SMYD3: variants seen among roughly 807,000 people sequenced by gnomAD.
SMYD3 encodes the protein histone-lysine N-methyltransferase SMYD3.
Under a neutral mutation model 57.7 loss-of-function variants are expected in SMYD3, and 36 were observed. The ratio of observed to expected loss-of-function variants is 0.62; its 90% CI spans 0.48 to 0.82. The LOEUF (loss-of-function observed/expected upper bound fraction) is 0.82. Among genes scored for constraint, SMYD3 ranks in the 40% least tolerant of loss-of-function variants. The pLI, the probability that SMYD3 is intolerant of heterozygous loss-of-function variation, is 0.00. For synonymous variants in SMYD3, 211 were observed against 195.0 expected, an observed-to-expected ratio of 1.08 and a Z score of -0.68; for missense variants, 515 against 538.8, an observed-to-expected ratio of 0.96 and a Z score of 0.44.
intron 1 of SMYD3, 51 bp downstream of exon 1, chr1:246,507,001 CCA>C: frequency 1.2e-4 from 139 of 1,158,978 alleles, no homozygotes; most frequent in Non-Finnish European, 1.4e-4. Context: ...CCCCCCCTCC[CCA>C]GCACCCCACA....
intron 5 of SMYD3, among the ~76,000 whole-genome samples, chr1:245,957,140 A>G (rs1270264663): frequency 1.3e-5 from 2 of 152,244 alleles, no homozygotes. Context: ...AATGATGAAA[A>G]GGAATTAAAT....
chr1:245,837,611 GCC>G (rs2050170017), intron 10 of SMYD3, among the ~76,000 whole-genome samples: 3 of 152,244 alleles, frequency 2.0e-5, no homozygotes, highest in African/African-American at 7.2e-5. Context: ...GGAGACTTTA[GCC>G]TTCCCAAATC....
At chr1:246,274,676 C>T (rs1389771218) in intron 5 of SMYD3, among the ~76,000 whole-genome samples, 1 of 152,074 alleles carries the variant, frequency 6.6e-6, no homozygotes, top group African/African-American at 2.4e-5. Flanking sequence ...ATAGAAATGC[C>T]TCCTAACAGA....
chr1:245,890,649 T>C lies in SMYD3; in HGVS notation c.813+24881A>G, dbSNP rs192636419. 1.3e-3 allele frequency among the ~76,000 whole-genome samples: 192 copies of C among 152,310 alleles called. 1 individual carries two copies. The highest frequency in any genetic ancestry group is 4.2e-3 in the African/African-American group (174 of 41,580). On this transcript the variant is annotated intron_variant, in intron 8 of 11. Transcript: ENST00000490107. ...GGAATGTAAATTAGTACATCTACTA[T>C]GGAAAACTGTATGAAGGGTCCTCGA...
At chr1:245,860,198 C>T (rs12036477) in intron 9 of SMYD3, among the ~76,000 whole-genome samples, 84,377 of 151,818 alleles carry the variant, frequency 0.56, 26,633 homozygotes, top group Non-Finnish European at 0.73. Context: ...TGACCTGGTC[C>T]CTTTACAATC....
At chr1:246,048,069 C>T (rs1248540889) in intron 5 of SMYD3, among the ~76,000 whole-genome samples, 3 of 151,790 alleles carry the variant, frequency 2.0e-5, no homozygotes, top group East Asian at 1.9e-4. Flanking sequence ...ACCTATAAAT[C>T]GATAAGGAAA....
At chr1:246,502,563 C>T (rs1184241458) in intron 1 of SMYD3, among the ~76,000 whole-genome samples, 1 of 152,150 alleles carries the variant, frequency 6.6e-6, no homozygotes, top group Non-Finnish European at 1.5e-5. Flanking sequence ...CAAACAATAT[C>T]TCAATCTCTT....
At chr1:245,959,756 T>C (rs1486672157) in intron 5 of SMYD3, among the ~76,000 whole-genome samples, 1 of 152,182 alleles carries the variant, frequency 6.6e-6, no homozygotes, top group Non-Finnish European at 1.5e-5. Flanking sequence ...TCTCTGTTTT[T>C]TTAGTTCACT....
chr1:246,418,755 G>C (rs1048152051), intron 1 of SMYD3, among the ~76,000 whole-genome samples: 1 of 152,108 alleles, frequency 6.6e-6, no homozygotes, highest in African/African-American at 2.4e-5. Context: ...ACTCCACGTC[G>C]TTCTGCTGGC....
At chr1:246,331,526 T>C (rs1347889349) in intron 3 of SMYD3, among the ~76,000 whole-genome samples, 1 of 152,208 alleles carries the variant, frequency 6.6e-6, no homozygotes, top group Non-Finnish European at 1.5e-5. Flanking sequence ...AAAGAGAGAC[T>C]GTGTATTTCT....
intron 1 of SMYD3, among the ~76,000 whole-genome samples, chr1:246,395,039 T>C (rs1174151793): frequency 6.6e-6 from 1 of 152,140 alleles, no homozygotes; most frequent in Non-Finnish European, 1.5e-5. Flanking sequence ...GCTCCTGAAC[T>C]CAGCTACACT....
intron 5 of SMYD3, among the ~76,000 whole-genome samples, chr1:246,277,004 G>C (rs1199308901): frequency 6.6e-6 from 1 of 152,212 alleles, no homozygotes; most frequent in African/African-American, 2.4e-5. Flanking sequence ...TGCAAAATGG[G>C]GGTAATGAAA....
intron 10 of SMYD3, among the ~76,000 whole-genome samples, chr1:245,823,722 C>G (rs539487476): frequency 2.0e-5 from 3 of 152,332 alleles, no homozygotes; most frequent in Admixed American, 6.5e-5. Flanking sequence ...GATTTCTGCT[C>G]TCTCATTGGG....
chr1:245,944,329 C>T (rs79520896), intron 5 of SMYD3, among the ~76,000 whole-genome samples: 1 of 152,018 alleles, frequency 6.6e-6, no homozygotes, highest in African/African-American at 2.4e-5. Context: ...GCAAAAATCA[C>T]AAGCATTCCT....
intron 5 of SMYD3, among the ~76,000 whole-genome samples, chr1:246,265,547 C>T (rs1002489487): frequency 3.3e-5 from 5 of 152,212 alleles, no homozygotes; most frequent in African/African-American, 1.2e-4. Flanking sequence ...AGAAAAACTG[C>T]AGTCTTCATT....
chr1:246,099,338 G>T (rs2060971098), intron 5 of SMYD3, among the ~76,000 whole-genome samples: 1 of 152,094 alleles, frequency 6.6e-6, no homozygotes, highest in Non-Finnish European at 1.5e-5. Flanking sequence ...ATTTCCATGG[G>T]ACGCTTGAAT....
chr1:245,879,575 T>C (rs1358108844), intron 8 of SMYD3, among the ~76,000 whole-genome samples: 1 of 152,232 alleles, frequency 6.6e-6, no homozygotes, highest in Non-Finnish European at 1.5e-5. Flanking sequence ...TACTCAATTC[T>C]TAGGGTTTTT....
At chr1:246,441,812 A>G (rs1338997326) in intron 1 of SMYD3, among the ~76,000 whole-genome samples, 4 of 152,200 alleles carry the variant, frequency 2.6e-5, no homozygotes, top group African/African-American at 9.6e-5. Flanking sequence ...AGGTTTCACC[A>G]TGCTGGCCAG....
chr1:246,311,689 G>C (rs932984657), intron 5 of SMYD3, among the ~76,000 whole-genome samples: 1 of 152,102 alleles, frequency 6.6e-6, no homozygotes, highest in African/African-American at 2.4e-5. Flanking sequence ...ACACACCCCA[G>C]CCATAACTAG....
Sources: allele counts gnomAD v4.1 joint callset (sites outside exome capture counted in the v4.1 genomes callset), GRCh38; gene constraint gnomAD v4.1.1; transcripts MANE v1.5; gene names NCBI Gene and HGNC (gene_info 2026-07-23, HGNC 2026-07-21).